PCDHGA6: variants seen among roughly 807,000 people sequenced by gnomAD.
The protein encoded by PCDHGA6 is protocadherin gamma-A6.
In PCDHGA6, 41 loss-of-function variants were observed where a neutral mutation model predicts 60.6. That is an observed-to-expected ratio of 0.68 (90% CI 0.53 to 0.88). PCDHGA6 has a LOEUF of 0.88. Ranked by LOEUF, PCDHGA6 falls within the 40% of genes least tolerant of loss-of-function variation. PCDHGA6 has a pLI of 0.00. For missense variants in PCDHGA6, 1,312 were observed against 1,203.0 expected, an observed-to-expected ratio of 1.09 and a Z score of -1.34; for synonymous variants, 594 against 524.4, an observed-to-expected ratio of 1.13 and a Z score of -1.81.
chr5:141,415,536 G>A (rs1561758201), intron 1 of PCDHGA6: 1 of 1,614,150 alleles, frequency 6.2e-7, no homozygotes, highest in Non-Finnish European at 8.5e-7. Flanking sequence ...TCAGCCAGGA[G>A]AGCTGTGAGA....
chr5:141,504,728 G>A (rs978910481), intron 2 of PCDHGA6, among the ~76,000 whole-genome samples: 5 of 151,522 alleles, frequency 3.3e-5, no homozygotes, highest in African/African-American at 9.7e-5. Context: ...TACTCTGAGG[G>A]CTTAGGAAGC....
rs539372561 is a variant in PCDHGA6, at chr5:141,379,222, GT to G, written c.2424+2720del. On this transcript the variant is annotated intron_variant, in intron 1 of 3. Coordinates refer to ENST00000517434, the MANE Select transcript of PCDHGA6 (RefSeq NM_018919.3). ...AAATAAGCTGCTAAGAGTAATATGT[GT>G]TTTTCTGAACCAATATTGTGGTATT... 26 of 152,080 alleles carry G rather than the reference GT, an allele frequency of 1.7e-4. 1 individual carries two copies. The highest frequency in any genetic ancestry group is 3.1e-4 in the Non-Finnish European group (21 of 67,992). The allele number at this position is 152,080 out of a possible 1,614,324, so 9.4% of individuals were successfully genotyped here. A position where few individuals can be genotyped will look rare whatever the true frequency, so the allele number is the denominator to read the frequency against.
intron 1 of PCDHGA6, among the ~76,000 whole-genome samples, chr5:141,386,184 C>T (rs1402266173): frequency 6.6e-6 from 1 of 152,164 alleles, no homozygotes; most frequent in Non-Finnish European, 1.5e-5. Context: ...ATCTTATGTA[C>T]ACAGATCCTA....
rs765756193 is a variant in PCDHGA6, at chr5:141,511,105, C to T, written c.2731C>T (p.Arg911Trp). The T allele has an allele frequency of 2.8e-5, 46 of 1,614,196 alleles. No individual in the cohort carries two copies. In the East Asian group the frequency reaches 3.1e-4, roughly 11 times the overall value. Residue 911 changes from arginine to tryptophan, a missense_variant, in exon 4 of 4, where the codon CGG becomes TGG. Transcript: ENST00000517434. ...CACACTGACCAACGCAGCTGGCAAG[C>T]GGGATGGCAAGGCCCCAGCAGGTGG... ...NATLTNAAGK[R>W]DGKAPAGGNG...
chr5:141,414,060 G>C (rs769101242), intron 1 of PCDHGA6: 1 of 1,609,304 alleles, frequency 6.2e-7, no homozygotes, highest in South Asian at 1.1e-5. Flanking sequence ...AATTGTTGAA[G>C]TTCCAACTAA....
chr5:141,447,805 G>T (rs1389870133), intron 1 of PCDHGA6, among the ~76,000 whole-genome samples: 2 of 152,064 alleles, frequency 1.3e-5, no homozygotes, highest in African/African-American at 4.8e-5. Context: ...AATAAAATTG[G>T]CTGGGCGTGG....
Position 141,389,586 on chromosome 5 carries a change from G to A in PCDHGA6, c.2424+13079G>A, listed in dbSNP as rs369593580. 471 of 1,613,048 alleles carry A rather than the reference G, an allele frequency of 2.9e-4. No homozygotes were observed. Among genetic ancestry groups the A allele is most frequent in the Non-Finnish European group, 3.8e-4 (446 of 1,179,788 alleles). ...GGTGCTGTACCCCGCGCTGGGTCCC[G>A]ACGGCTCTGCGCTCTTCGATATGGT... On this transcript the variant is annotated intron_variant, in intron 1 of 3. Coordinates refer to ENST00000517434, the MANE Select transcript of PCDHGA6 (RefSeq NM_018919.3).
At chr5:141,406,083 T>C (rs539696065) in intron 1 of PCDHGA6, among the ~76,000 whole-genome samples, 2 of 151,900 alleles carry the variant, frequency 1.3e-5, no homozygotes, top group South Asian at 4.2e-4. Flanking sequence ...TTTTTTTTTT[T>C]TTTTAAGAGA....
At chr5:141,458,172 T>C (rs1023447659) in intron 1 of PCDHGA6, among the ~76,000 whole-genome samples, 2 of 152,216 alleles carry the variant, frequency 1.3e-5, no homozygotes, top group African/African-American at 4.8e-5. Flanking sequence ...CACAGTAGTA[T>C]ACCTTACTTG....
intron 1 of PCDHGA6, among the ~76,000 whole-genome samples, chr5:141,483,913 C>G (rs988014158): frequency 6.7e-6 from 1 of 148,188 alleles, no homozygotes; most frequent in African/African-American, 2.5e-5. Context: ...GTTTCCCACT[C>G]AGATTGCAGG....
At chr5:141,384,392 G>A in intron 1 of PCDHGA6, 1 of 1,613,930 alleles carries the variant, frequency 6.2e-7, no homozygotes, top group Non-Finnish European at 8.5e-7. Context: ...ACCATCCAGG[G>A]GGCTCCAGTG....
intron 1 of PCDHGA6, chr5:141,385,154 C>G (rs761681846): frequency 6.2e-7 from 1 of 1,614,208 alleles, no homozygotes; most frequent in Non-Finnish European, 8.5e-7. Flanking sequence ...TTCCTGCAGA[C>G]CTATTCCCAT....
intron 3 of PCDHGA6, among the ~76,000 whole-genome samples, chr5:141,506,381 G>A (rs750584158): frequency 2.0e-5 from 3 of 151,216 alleles, no homozygotes; most frequent in Non-Finnish European, 4.4e-5. Context: ...CCTGGGAGGT[G>A]GCTGTGGTGA....
rs1457528416 is a variant in PCDHGA6 at position 141,375,048 on chromosome 5, G to A, written c.965G>A (p.Arg322Gln). The part of the protein sequence containing the change: ...SSFYELGVEA[R>Q]DGPGLRDRAK... ...TTTTATGAGCTGGGTGTTGAAGCCCGGGATGGGCCAGGTCTTCGAGACAGA... is the reference window on the plus strand; with the variant it reads ...TTTTATGAGCTGGGTGTTGAAGCCCAGGATGGGCCAGGTCTTCGAGACAGA... The change falls in exon 1 of 4, where the codon CGG becomes CAG. Residue 322 changes from arginine to glutamine, a missense_variant. Physicochemically the swap from Arg to Gln is conservative, Grantham distance 43. Coordinates refer to ENST00000517434, the MANE Select transcript of PCDHGA6 (RefSeq NM_018919.3). 4 of 1,614,022 alleles carry A rather than the reference G, an allele frequency of 2.5e-6. No homozygotes were observed. The highest frequency in any genetic ancestry group is 1.1e-5 in the South Asian group (1 of 91,082).
At chr5:141,393,405 C>G (rs777100284) in intron 1 of PCDHGA6, 1 of 1,613,914 alleles carries the variant, frequency 6.2e-7, no homozygotes, top group Admixed American at 1.7e-5. Flanking sequence ...GGTGCTGGAG[C>G]GCGCCCTGGA....
chr5:141,444,044 T>C (rs188266846), intron 1 of PCDHGA6, among the ~76,000 whole-genome samples: 1 of 152,098 alleles, frequency 6.6e-6, no homozygotes, highest in East Asian at 1.9e-4. Flanking sequence ...ATCAGATAAT[T>C]TGGCATCTTC....
chr5:141,440,980 C>T (rs972732898), intron 1 of PCDHGA6: 1 of 152,242 alleles, frequency 6.6e-6, no homozygotes. Context: ...GCTTCACAAC[C>T]CAGAGTACCC....
intron 1 of PCDHGA6, among the ~76,000 whole-genome samples, chr5:141,460,252 A>T (rs1342135416): frequency 6.6e-6 from 1 of 151,974 alleles, no homozygotes; most frequent in African/African-American, 2.4e-5. Flanking sequence ...AATTTTGATA[A>T]AGCCCAATTT....
rs771313271 is a variant in PCDHGA6 at position 141,477,861 on chromosome 5, G to C, written c.2425-16946G>C. 1.2e-6 allele frequency: 2 copies of C among 1,612,714 alleles called. No individual in the cohort carries two copies. Among genetic ancestry groups the C allele is most frequent in the South Asian group, 1.1e-5 (1 of 90,968 alleles). On this transcript the variant is annotated intron_variant, in intron 1 of 3. Transcript: ENST00000517434. The surrounding 1 kb of genome is among the most constrained non-coding windows in gnomAD (Gnocchi z 4.9). ...GGGAGCTCGGTGGAGATGCTGCCTC[G>C]AGGTACCTCAGCTGGCCACCTAGTG...
Sources: gnomAD v4.1 joint callset for allele counts (sites outside exome capture counted in the v4.1 genomes callset) on GRCh38, gnomAD v4.1.1 for gene constraint, Gnocchi (gnomAD v3.1) non-coding constraint, MANE v1.5 for transcripts, NCBI Gene and HGNC (gene_info 2026-07-23, HGNC 2026-07-21) for gene names.